Variants in PARD3B observed in about 807,000 individuals in gnomAD.
The protein encoded by PARD3B is partitioning defective 3 homolog B.
PARD3B carries 103 observed loss-of-function variants against 130.2 expected under a neutral mutation model. That is an observed-to-expected ratio of 0.79 (90% CI 0.67 to 0.93). The LOEUF is 0.93. Among genes scored for constraint, PARD3B ranks in the 40% least tolerant of loss-of-function variants. The pLI, the probability that PARD3B is intolerant of heterozygous loss-of-function variation, is 0.00. For missense variants in PARD3B, 1,609 were observed against 1,499.2 expected (o/e 1.07, Z -1.21); for synonymous variants, 583 against 553.2 (o/e 1.05, Z -0.76).
At chr2:205,232,289 C>T (rs2038875348) in intron 15 of PARD3B, among the ~76,000 whole-genome samples, 1 of 152,070 alleles carries the variant, frequency 6.6e-6, no homozygotes, top group African/African-American at 2.4e-5. Flanking sequence ...TACGCACACA[C>T]ACAGAGTGTA....
chr2:205,036,514 AT>A (rs894788008), intron 3 of PARD3B, among the ~76,000 whole-genome samples: 36 of 148,698 alleles, frequency 2.4e-4, no homozygotes, highest in African/African-American at 6.8e-4. Flanking sequence ...TATATAAAAA[AT>A]ATATATATAG....
At chr2:205,391,566 A>G (rs2105979312) in intron 18 of PARD3B, among the ~76,000 whole-genome samples, 1 of 152,376 alleles carries the variant, frequency 6.6e-6, no homozygotes, top group South Asian at 2.1e-4. Context: ...TATCTGTCCC[A>G]GAAATCGTAA....
In PARD3B at chr2:205,194,965, T is replaced by TG. The variant is rs1262120870; in HGVS notation, c.2140+1645_2140+1646insG. 9.9e-3 allele frequency among the ~76,000 whole-genome samples: 1,463 copies of TG among 147,304 alleles called. 35 individuals carry two copies. The highest frequency in any genetic ancestry group is 0.035 in the African/African-American group (1,401 of 40,038). On this transcript the variant is annotated intron_variant, in intron 15 of 22. Coordinates refer to ENST00000406610, the MANE Select transcript of PARD3B (RefSeq NM_001302769.2). ...CGCCAGGCTAATTTTTTTTTTTTTT[T>TG]TTTTTGTATTTTTAGTAGAGATGGG... is the stretch of plus-strand genomic sequence containing the variant.
intron 1 of PARD3B, among the ~76,000 whole-genome samples, chr2:204,640,654 C>T (rs556233106): frequency 1.3e-5 from 2 of 152,270 alleles, no homozygotes; most frequent in South Asian, 2.1e-4. Context: ...TGAATAGGTC[C>T]TTCATTAACT....
intron 22 of PARD3B, among the ~76,000 whole-genome samples, chr2:205,603,260 T>C (rs1367124131): frequency 2.6e-5 from 4 of 152,200 alleles, no homozygotes; most frequent in Admixed American, 2.6e-4. Context: ...GAGGCATGTC[T>C]TACTTCCAGT....
At chr2:205,197,299 G>A (rs2125817395) in intron 15 of PARD3B, among the ~76,000 whole-genome samples, 1 of 151,980 alleles carries the variant, frequency 6.6e-6, no homozygotes, top group Non-Finnish European at 1.5e-5. Context: ...TATTCTATTA[G>A]TGAAATAAAA....
intron 2 of PARD3B, among the ~76,000 whole-genome samples, chr2:204,895,531 A>G (rs2046611216): frequency 6.6e-6 from 1 of 152,092 alleles, no homozygotes; most frequent in Non-Finnish European, 1.5e-5. Flanking sequence ...ATGAACATTT[A>G]TACTATCACA....
At chr2:205,003,726 G>A (rs563875807) in intron 3 of PARD3B, among the ~76,000 whole-genome samples, 1 of 152,314 alleles carries the variant, frequency 6.6e-6, no homozygotes, top group African/African-American at 2.4e-5. Flanking sequence ...TTCCTCTGTT[G>A]TATCACCAGC....
intron 4 of PARD3B, among the ~76,000 whole-genome samples, chr2:205,089,438 C>CT (rs1701965754): frequency 6.6e-6 from 1 of 152,158 alleles, no homozygotes. Flanking sequence ...CCCCGACTCT[C>CT]TTTTTCTGCA....
intron 10 of PARD3B, among the ~76,000 whole-genome samples, chr2:205,129,656 G>A (rs868673724): frequency 5.9e-5 from 9 of 152,192 alleles, no homozygotes; most frequent in Admixed American, 2.6e-4. Context: ...CTTTTGTTAA[G>A]CCTTGCTGTT....
chr2:204,562,182 A>C (rs2031360493), intron 1 of PARD3B, among the ~76,000 whole-genome samples: 1 of 152,088 alleles, frequency 6.6e-6, no homozygotes, highest in African/African-American at 2.4e-5. Flanking sequence ...TCACTGAAAA[A>C]GTAGTTGGGG....
intron 2 of PARD3B, among the ~76,000 whole-genome samples, chr2:204,957,371 T>G (rs968197598): frequency 6.6e-6 from 1 of 152,076 alleles, no homozygotes; most frequent in Non-Finnish European, 1.5e-5. Context: ...ATAAATAGGG[T>G]TTTCAGTACA....
At chr2:205,314,633 A>AATAG in intron 18 of PARD3B, among the ~76,000 whole-genome samples, 1 of 152,364 alleles carries the variant, frequency 6.6e-6, no homozygotes, top group East Asian at 1.9e-4. Context: ...TACATTGAAA[A>AATAG]ATAGATAGGA....
intron 16 of PARD3B, among the ~76,000 whole-genome samples, chr2:205,283,016 G>A (rs1022607457): frequency 2.6e-5 from 4 of 152,168 alleles, no homozygotes; most frequent in Admixed American, 2.0e-4. Flanking sequence ...GATTAGTTCA[G>A]GCAAATTCTG....
At chr2:204,596,962 C>CTCTCTCTCTATA (rs1559176131) in intron 1 of PARD3B, among the ~76,000 whole-genome samples, 1 of 146,216 alleles carries the variant, frequency 6.8e-6, no homozygotes, top group African/African-American at 2.5e-5. Flanking sequence ...CTCTCTCTCT[C>CTCTCTCTCTATA]TATATATATA....
chr2:205,298,557 C>CTGAA (rs2041876670), intron 16 of PARD3B, among the ~76,000 whole-genome samples: 1 of 151,610 alleles, frequency 6.6e-6, no homozygotes, highest in Non-Finnish European at 1.5e-5. Flanking sequence ...GTTGAATTTA[C>CTGAA]TGAATACTGA....
chr2:205,226,679 A>G (rs2038569219), intron 15 of PARD3B, among the ~76,000 whole-genome samples: 1 of 152,024 alleles, frequency 6.6e-6, no homozygotes, highest in Non-Finnish European at 1.5e-5. Context: ...GGATATATGG[A>G]TTTCTTTCTA....
intron 1 of PARD3B, among the ~76,000 whole-genome samples, chr2:204,630,893 T>G (rs946827767): frequency 2.0e-5 from 3 of 152,086 alleles, no homozygotes; most frequent in African/African-American, 7.2e-5. Flanking sequence ...TTTTATTAAT[T>G]TTTTCAAAAA....
At chr2:205,034,985 T>C (rs1697702264) in intron 3 of PARD3B, among the ~76,000 whole-genome samples, 1 of 152,032 alleles carries the variant, frequency 6.6e-6, no homozygotes, top group Non-Finnish European at 1.5e-5. Flanking sequence ...TCCTCCAGAG[T>C]AGCTGGGATT....
Sources: allele counts gnomAD v4.1 joint callset (sites outside exome capture counted in the v4.1 genomes callset), GRCh38; gene constraint gnomAD v4.1.1; transcripts MANE v1.5; gene names NCBI Gene and HGNC (gene_info 2026-07-23, HGNC 2026-07-21).